Variants in ZDHHC16 observed in about 807,000 individuals in gnomAD.
ZDHHC16 encodes the protein zDHHC palmitoyltransferase 16.
Under a neutral mutation model 54.4 loss-of-function variants are expected in ZDHHC16, and 33 were observed. The ratio of observed to expected loss-of-function variants is 0.61; its 90% CI spans 0.46 to 0.81. The LOEUF (loss-of-function observed/expected upper bound fraction) is 0.81. Ranked by LOEUF, ZDHHC16 falls within the 30% of genes least tolerant of loss-of-function variation. The probability of loss-of-function intolerance (pLI) is 0.00; values close to 1 mark genes in which losing one functional copy is unlikely to be tolerated. For missense variants in ZDHHC16, 420 were observed against 485.9 expected (o/e 0.86, Z 1.28); for synonymous variants, 185 against 182.1 (o/e 1.02, Z -0.13).
chr10:97,450,683 T>C (rs1846528835), intron 2 of ZDHHC16, 147 bp downstream of exon 2: 1 of 152,284 alleles, frequency 6.6e-6, no homozygotes, highest in South Asian at 2.1e-4. Flanking sequence ...AGGTAGAAAC[T>C]GCATAGAGGA....
intron 11 of ZDHHC16, 25 bp from the exon 12 acceptor site, chr10:97,456,752 G>A (rs755420570): frequency 3.2e-6 from 5 of 1,554,330 alleles, no homozygotes; most frequent in Non-Finnish European, 4.4e-6. Flanking sequence ...CTTGAACTCA[G>A]AGACATTTCT....
intron 6 of ZDHHC16, 24 bp downstream of exon 6, chr10:97,452,947 C>A: frequency 1.2e-6 from 2 of 1,614,144 alleles, no homozygotes; most frequent in Middle Eastern, 1.6e-4. Context: ...TTCTCTTCTG[C>A]CTGAGGCCTT....
At chr10:97,454,888 G>C in intron 9 of ZDHHC16, 89 bp downstream of exon 9, 4 of 1,108,788 alleles carry the variant, frequency 3.6e-6, no homozygotes, top group Non-Finnish European at 5.5e-6. Flanking sequence ...CCATTCCTAA[G>C]TGAACTGCCA....
chr10:97,451,005 C>T (rs961679900), intron 2 of ZDHHC16: 2 of 152,258 alleles, frequency 1.3e-5, no homozygotes, highest in African/African-American at 4.8e-5. Context: ...GCTGTCCTGA[C>T]AGGAGACAGG....
intron 2 of ZDHHC16, 152 bp downstream of exon 2, chr10:97,450,688 AGAG>A (rs1286766286): frequency 6.6e-6 from 1 of 152,338 alleles, no homozygotes; most frequent in African/African-American, 2.4e-5. Flanking sequence ...GAAACTGCAT[AGAG>A]GAGATGGAGG....
At chr10:97,449,042 T>C (rs1242104735) in intron 1 of ZDHHC16, among the ~76,000 whole-genome samples, 1 of 152,156 alleles carries the variant, frequency 6.6e-6, no homozygotes, top group East Asian at 1.9e-4. Flanking sequence ...CCTCACTGAA[T>C]GTGAACACAA....
intron 1 of ZDHHC16, 85 bp from the exon 2 acceptor site, chr10:97,450,272 C>T (rs560180537): frequency 6.6e-6 from 1 of 152,500 alleles, no homozygotes; most frequent in South Asian, 2.1e-4. Context: ...TTCTCCTTCT[C>T]TGTGGACCTT....
In ZDHHC16 at chr10:97,446,209, C is replaced by T. The variant is rs372008770; in HGVS notation, c.-330C>T. On this transcript the variant is annotated 5_prime_UTR_variant, in exon 1 of 12. Coordinates refer to ENST00000393760, the MANE Select transcript of ZDHHC16 (RefSeq NM_198046.3). ...GATGGGCTGGCGGCGGGTCCGGGTC[C>T]GCTGCCTGGCGCTGCGGGCGGCGGG... 6 of 635,858 alleles carry T rather than the reference C, an allele frequency of 9.4e-6. No homozygotes were observed. Among genetic ancestry groups the T allele is most frequent in the South Asian group, 1.9e-5 (1 of 52,736 alleles). 39.4% of individuals were successfully genotyped at this position (635,858 alleles called of 1,614,324 possible).
chr10:97,456,637 G>A (rs957682013), intron 11 of ZDHHC16, 140 bp from the exon 12 acceptor site: 1 of 603,244 alleles, frequency 1.7e-6, no homozygotes, highest in African/African-American at 1.9e-5. Flanking sequence ...AAATTGGGTA[G>A]CAGAAATTAG....
chr10:97,452,810 G>C (rs1589506952), intron 5 of ZDHHC16, 85 bp from the exon 6 acceptor site: 1 of 1,581,962 alleles, frequency 6.3e-7, no homozygotes, highest in East Asian at 2.2e-5. Context: ...ACCTCAGCAG[G>C]ATGCTGGTCC....
At chr10:97,456,726 GGAAGGACCAA>G (rs1359555110) in intron 11 of ZDHHC16, 41 bp from the exon 12 acceptor site, 3 of 1,372,474 alleles carry the variant, frequency 2.2e-6, no homozygotes, top group Non-Finnish European at 2.0e-6. Flanking sequence ...ATGATGATTG[GGAAGGACCAA>G]GAATTCTTGA....
intron 6 of ZDHHC16, 60 bp downstream of exon 6, chr10:97,452,983 G>GT (rs1846790827): frequency 3.1e-6 from 5 of 1,607,360 alleles, no homozygotes. Flanking sequence ...ACTGTACAGG[G>GT]TTAATGGCCA....
In ZDHHC16 at chr10:97,456,841, G is replaced by A. The variant is rs201336761; in HGVS notation, c.1084G>A (p.Glu362Lys). Residue 362 changes from glutamate to lysine, a missense_variant, in exon 12 of 12, where the codon GAG (glutamate) becomes AAG (lysine). Transcript: ENST00000393760. ...HLPHGNGMSWEPPPWVTAHSA... is the reference protein window; with the variant it reads ...HLPHGNGMSWKPPPWVTAHSA... Reference sequence around the variant, plus strand: ...GCCCCATGGGAATGGAATGAGCTGGGAGCCCCCTCCCTGGGTGACTGCTCA... The same window carrying A: ...GCCCCATGGGAATGGAATGAGCTGGAAGCCCCCTCCCTGGGTGACTGCTCA... 1.2e-6 allele frequency: 2 copies of A among 1,613,572 alleles called. No homozygotes were observed. Among genetic ancestry groups the A allele is most frequent in the Non-Finnish European group, 1.7e-6 (2 of 1,179,764 alleles).
chr10:97,453,065 C>G, intron 6 of ZDHHC16, 142 bp downstream of exon 6: 1 of 1,062,242 alleles, frequency 9.4e-7, no homozygotes, highest in Non-Finnish European at 1.4e-6. Context: ...CCTGGGAGAG[C>G]AGGAAGCTCA....
chr10:97,455,840 TA>T, intron 10 of ZDHHC16, 57 bp downstream of exon 10: 1 of 1,606,012 alleles, frequency 6.2e-7, no homozygotes, highest in Admixed American at 1.7e-5. Flanking sequence ...TGCTCTCCTG[TA>T]AACAGAGGCC....
At chr10:97,453,974 G>C (rs1435135134) in intron 8 of ZDHHC16, 128 bp downstream of exon 8, 3 of 1,267,004 alleles carry the variant, frequency 2.4e-6, no homozygotes, top group Non-Finnish European at 3.3e-6. Context: ...ACCAGATCAG[G>C]AGTGTTCAGG....
In ZDHHC16 at chr10:97,451,768, A is replaced by C. The variant is rs1036206655; in HGVS notation, c.93A>C (p.Leu31=). 2 of 1,613,800 alleles carry C rather than the reference A, an allele frequency of 1.2e-6. No individual in the cohort carries two copies. Among genetic ancestry groups the C allele is most frequent in the Admixed American group, 1.7e-5 (1 of 60,006 alleles). The change falls in exon 3 of 12, where the codon CTA becomes CTC. Residue 31 remains leucine (L), a synonymous_variant. Transcript: ENST00000393760. ...LLGYRRRCPP[L]LRGLVQRWRY... The stretch of plus-strand genomic sequence containing the variant: ...GTTACAGGCGCCGCTGTCCACCTCT[A>C]CTCCGGGGTCTAGTACAGCGCTGGC...
rs764901811 is a variant in ZDHHC16, at chr10:97,452,888, C to T, written c.528-7C>T. 2 of 1,614,238 alleles carry T rather than the reference C, an allele frequency of 1.2e-6. No individual in the cohort carries two copies. The highest frequency in any genetic ancestry group is 1.7e-6 in the Non-Finnish European group (2 of 1,180,050). On this transcript the variant is annotated splice_region_variant and splice_polypyrimidine_tract_variant and intron_variant, in intron 5 of 11. Coordinates refer to ENST00000393760, the MANE Select transcript of ZDHHC16 (RefSeq NM_198046.3). ...ACCGTAACAGAGCCTGTGTCCCTTCCTCACAGGTGTGTGCTGAAGATGGAT... is the reference window on the plus strand; with the variant it reads ...ACCGTAACAGAGCCTGTGTCCCTTCTTCACAGGTGTGTGCTGAAGATGGAT...
intron 4 of ZDHHC16, 32 bp from the exon 5 acceptor site, chr10:97,452,383 G>A: frequency 1.2e-6 from 2 of 1,612,514 alleles, no homozygotes; most frequent in African/African-American, 2.7e-5. Flanking sequence ...GACAGAACTG[G>A]TGCTGCCACG....
Sources: gnomAD v4.1 joint callset for allele counts (sites outside exome capture counted in the v4.1 genomes callset) on GRCh38, gnomAD v4.1.1 for gene constraint, MANE v1.5 for transcripts, NCBI Gene and HGNC (gene_info 2026-07-23, HGNC 2026-07-21) for gene names.